Variants in CHD9 observed in about 807,000 individuals in gnomAD.
CHD9 encodes the protein chromodomain helicase DNA binding protein 9.
A neutral mutation model predicts 316.1 loss-of-function variants in CHD9; 77 were observed. The observed-to-expected ratio is 0.24, with a 90% CI of 0.20 to 0.29. The LOEUF (loss-of-function observed/expected upper bound fraction) is 0.29. Ranked by LOEUF, CHD9 falls within the 10% of genes least tolerant of loss-of-function variation. The pLI, the probability that CHD9 is intolerant of heterozygous loss-of-function variation, is 1.00. For synonymous variants in CHD9, 1,129 were observed against 1,158.3 expected (o/e 0.97, Z 0.51); for missense variants, 2,763 against 3,438.1 (o/e 0.80, Z 4.91).
chr16:53,066,094 G>C (rs901559446), intron 1 of CHD9, among the ~76,000 whole-genome samples: 1 of 152,140 alleles, frequency 6.6e-6, no homozygotes, highest in African/African-American at 2.4e-5. Context: ...GCTGGGGTTT[G>C]TTCCATTATC....
chr16:53,199,686 T>C (rs539955946), intron 2 of CHD9, among the ~76,000 whole-genome samples: 3 of 152,276 alleles, frequency 2.0e-5, no homozygotes, highest in South Asian at 2.1e-4. Flanking sequence ...GGCTCCTACA[T>C]GTAAGTGAGA....
chr16:53,244,809 GA>G (rs1241140427), intron 13 of CHD9, among the ~76,000 whole-genome samples: 1 of 152,120 alleles, frequency 6.6e-6, no homozygotes, highest in Non-Finnish European at 1.5e-5. Flanking sequence ...TTTGTGGGTA[GA>G]GATGTAGTTT....
chr16:53,241,981 G>A (rs2049142444), intron 12 of CHD9, among the ~76,000 whole-genome samples: 1 of 152,202 alleles, frequency 6.6e-6, no homozygotes, highest in Admixed American at 6.5e-5. Context: ...AACTCACTGG[G>A]TTTCAAACAC....
chr16:53,290,968 T>A (rs1402705962), intron 27 of CHD9, among the ~76,000 whole-genome samples: 1 of 152,126 alleles, frequency 6.6e-6, no homozygotes, highest in African/African-American at 2.4e-5. Flanking sequence ...TATGAAGAGA[T>A]AGCAGCTGAG....
intron 1 of CHD9, among the ~76,000 whole-genome samples, chr16:53,085,050 G>A (rs946903296): frequency 1.3e-5 from 2 of 152,100 alleles, no homozygotes; most frequent in African/African-American, 4.8e-5. Flanking sequence ...CAAATTGGGA[G>A]ACTTCACGTA....
chr16:53,088,912 T>C (rs1343926461), intron 1 of CHD9, among the ~76,000 whole-genome samples: 1 of 151,396 alleles, frequency 6.6e-6, no homozygotes, highest in Non-Finnish European at 1.5e-5. Context: ...AGGAGTTCGA[T>C]ACCAGCCTGG....
At chr16:53,130,515 A>G (rs2152677821) in intron 1 of CHD9, among the ~76,000 whole-genome samples, 1 of 148,530 alleles carries the variant, frequency 6.7e-6, no homozygotes, top group South Asian at 2.1e-4. Flanking sequence ...GGCCGCCGTG[A>G]GGGCGCGGCC....
At chr16:53,288,475 T>C (rs2054073564) in intron 27 of CHD9, among the ~76,000 whole-genome samples, 1 of 152,176 alleles carries the variant, frequency 6.6e-6, no homozygotes. Context: ...AAGAGTTGGA[T>C]GAAAGTACAG....
chr16:53,250,209 GTGAAGTTATTTTAATTGTTA>G (rs2050008483), intron 17 of CHD9, 143 bp downstream of exon 17: 1 of 620,892 alleles, frequency 1.6e-6, no homozygotes, highest in African/African-American at 1.9e-5. Flanking sequence ...AATAAAATAG[GTGAAGTTATTTTAATTGTTA>G]TGATAAAAAC....
chr16:53,245,361 C>G lies in CHD9; in HGVS notation c.3080C>G (p.Thr1027Ser), dbSNP rs1296321196. Residue 1027 changes from threonine to serine, a missense_variant, in exon 14 of 39, where the codon ACC becomes AGC. Thr to Ser is a moderately conservative substitution (Grantham distance 58). Coordinates refer to ENST00000447540, the MANE Select transcript of CHD9 (RefSeq NM_001308319.2). The surrounding 1 kb of genome is among the most constrained non-coding windows in gnomAD (Gnocchi z 4.1). Reference protein sequence around the residue: ...NLEHKVLLTGTPLQNTVEELF... With the variant: ...NLEHKVLLTGSPLQNTVEELF... ...GAACACAAGGTGCTTTTGACTGGCA[C>G]CCCTCTCCAAAATACAGTTGAAGAA... 6.4e-7 allele frequency: 1 copy of G among 1,557,406 alleles called. No homozygotes were observed. Among genetic ancestry groups the G allele is most frequent in the Non-Finnish European group, 8.7e-7 (1 of 1,152,668 alleles).
At chr16:53,117,269 G>C (rs1297641409) in intron 1 of CHD9, among the ~76,000 whole-genome samples, 2 of 152,052 alleles carry the variant, frequency 1.3e-5, no homozygotes, top group African/African-American at 2.4e-5. Context: ...AGGAAGTCCT[G>C]TATGACACCA....
intron 2 of CHD9, among the ~76,000 whole-genome samples, chr16:53,158,607 A>G (rs941828889): frequency 6.6e-6 from 1 of 152,140 alleles, no homozygotes; most frequent in African/African-American, 2.4e-5. Flanking sequence ...TGCCTAGCAT[A>G]TAGTTAGAAA....
rs550037507 is a variant in CHD9, at chr16:53,265,999, G to T, written c.4321-1295G>T. Reference sequence around the variant, plus strand: ...TTGTTTTTTTTTTTAAGGAAACTGGGAAGGGGAAAAAGAGGAAAAGGGACA... The same window carrying T: ...TTGTTTTTTTTTTTAAGGAAACTGGTAAGGGGAAAAAGAGGAAAAGGGACA... On this transcript the variant is annotated intron_variant, in intron 20 of 38. Transcript: ENST00000447540. 3.3e-5 allele frequency among the ~76,000 whole-genome samples: 5 copies of T among 150,678 alleles called. No individual in the cohort carries two copies. The South Asian group carries it at 1.0e-3, about 31-fold the overall frequency.
At position 53,262,964 on chromosome 16, in the gene CHD9, A is replaced by G. The variant is rs745466738; in HGVS notation, c.4210-23A>G. On this transcript the variant is annotated intron_variant, in intron 19 of 38. Coordinates refer to ENST00000447540, the MANE Select transcript of CHD9 (RefSeq NM_001308319.2). ...GTGTACTTTGATAGATTTTTCCTCT[A>G]AAACTGCCATTATATATTTCAGGCG... 1.9e-6 allele frequency: 3 copies of G among 1,574,042 alleles called. No individual in the cohort carries two copies. In the African/African-American group the frequency reaches 4.1e-5, roughly 21 times the overall value.
chr16:53,278,669 A>G (rs186478250), intron 24 of CHD9, among the ~76,000 whole-genome samples: 23 of 152,346 alleles, frequency 1.5e-4, no homozygotes, highest in Non-Finnish European at 2.1e-4. Context: ...TTTACAAGAA[A>G]AAAGCAACCC....
rs1375389556 is a variant in CHD9, at chr16:53,245,728, G to T, written c.3332G>T (p.Arg1111Leu). ...ELTNIQKKYY[R>L]AILEKNFSFL... ...ACTAATATTCAAAAGAAATACTACCGGGCTATCTTGGAAAAGAACTTTTCT... is the reference window on the plus strand; with the variant it reads ...ACTAATATTCAAAAGAAATACTACCTGGCTATCTTGGAAAAGAACTTTTCT... The change falls in exon 15 of 39, where the codon CGG (arginine) becomes CTG (leucine). Residue 1111 changes from arginine to leucine, a missense_variant. Around this residue, in one of 15 missense-constraint regions of CHD9, gnomAD observed 155 missense variants for 291.8 expected, o/e 0.53. Coordinates refer to ENST00000447540, the MANE Select transcript of CHD9 (RefSeq NM_001308319.2). This position sits in a 1 kb window ranked among gnomAD's most constrained non-coding sequence, Gnocchi z 4.1. The T allele has an allele frequency of 6.2e-7, 1 of 1,611,196 alleles. No homozygotes were observed.
chr16:53,252,752 A>G (rs971565155), intron 17 of CHD9, among the ~76,000 whole-genome samples: 2 of 152,114 alleles, frequency 1.3e-5, no homozygotes, highest in Admixed American at 6.5e-5. Context: ...TGAATAGACA[A>G]TTATCAAAAG....
At chr16:53,073,928 G>A (rs1007430276) in intron 1 of CHD9, among the ~76,000 whole-genome samples, 6 of 152,182 alleles carry the variant, frequency 3.9e-5, no homozygotes, top group Non-Finnish European at 5.9e-5. Flanking sequence ...ATGTGGAAGC[G>A]ACTTTGGAAC....
Position 53,227,572 on chromosome 16 carries a change from A to T in CHD9, c.2137A>T (p.Thr713Ser). The part of the protein sequence containing the change: ...KEISPGVMID[T>S]EEFFVKYKNY... ...GATATCACCTGGAGTGATGATTGAT[A>T]CAGAAGAATTTTTTGTAAAATACAA... Residue 713 changes from threonine (T) to serine (S), a missense_variant, in exon 7 of 39, where the codon ACA becomes TCA. Thr to Ser is a moderately conservative substitution (Grantham distance 58, BLOSUM62 1). Transcript: ENST00000447540. The T allele has an allele frequency of 1.4e-6, 2 of 1,396,156 alleles. No homozygotes were observed. The highest frequency in any genetic ancestry group is 1.9e-6 in the Non-Finnish European group (2 of 1,045,676). The allele number at this position is 1,396,156 out of a possible 1,614,324, so 86.5% of individuals were successfully genotyped here. A position where few individuals can be genotyped will look rare whatever the true frequency, so the allele number is the denominator to read the frequency against.
Sources: allele counts gnomAD v4.1 joint callset (sites outside exome capture counted in the v4.1 genomes callset), GRCh38; gene constraint gnomAD v4.1.1; regional missense constraint gnomAD v4.1.1; non-coding constraint Gnocchi (gnomAD v3.1); transcripts MANE v1.5; gene names NCBI Gene and HGNC (gene_info 2026-07-23, HGNC 2026-07-21).